The following AFG3L2 variants were observed in gnomAD, a reference collection of about 807,000 sequenced individuals.
AFG3L2 encodes AFG3 like matrix AAA peptidase subunit 2.
A neutral mutation model predicts 94.5 loss-of-function variants in AFG3L2; 54 were observed. The observed-to-expected ratio is 0.57, with a 90% CI of 0.46 to 0.72. AFG3L2 has a LOEUF of 0.72. Ranked by LOEUF, AFG3L2 falls within the 30% of genes least tolerant of loss-of-function variation. The pLI is 0.00. For synonymous variants in AFG3L2, 377 were observed against 365.5 expected (o/e 1.03, Z -0.36); for missense variants, 754 against 994.9 (o/e 0.76, Z 3.26).
intron 16 of AFG3L2, among the ~76,000 whole-genome samples, chr18:12,331,808 A>AATATAT (rs35558132): frequency 1.3e-4 from 19 of 146,398 alleles, no homozygotes; most frequent in African/African-American, 4.5e-4. Context: ...TAAATAAATA[A>AATATAT]ATATATATAT....
intron 16 of AFG3L2, among the ~76,000 whole-genome samples, chr18:12,336,260 A>ACT (rs1458475896): frequency 1.3e-5 from 2 of 152,056 alleles, no homozygotes; most frequent in Non-Finnish European, 2.9e-5. Context: ...TTCCCCAATT[A>ACT]CTCCTACAGA....
In AFG3L2 at chr18:12,370,926, C is replaced by T; in HGVS notation, c.215G>A (p.Gly72Glu). 6.5e-7 allele frequency: 1 copy of T among 1,531,176 alleles called. No individual in the cohort carries two copies. Among genetic ancestry groups the T allele is most frequent in the Non-Finnish European group, 9.0e-7 (1 of 1,113,816 alleles). The allele number at this position is 1,531,176 out of a possible 1,614,324, so 94.8% of individuals were successfully genotyped here. ...YQRFCSRPPK[G>E]FEKYFPNGKN... Reference sequence around the variant, plus strand: ...TCCATTAGGAAAGTATTTTTCAAATCCTGTTAGAAAAAGAAAAAAAATACT... The same window carrying T: ...TCCATTAGGAAAGTATTTTTCAAATTCTGTTAGAAAAAGAAAAAAAATACT... The change falls in exon 3 of 17, where the codon GGA (glycine) becomes GAA (glutamate). Residue 72 changes from glycine to glutamate, a missense_variant and splice_region_variant. Transcript: ENST00000269143.
chr18:12,332,412 G>C (rs1907562712), intron 16 of AFG3L2, among the ~76,000 whole-genome samples: 1 of 152,052 alleles, frequency 6.6e-6, no homozygotes, highest in African/African-American at 2.4e-5. Flanking sequence ...CTTATTTCTT[G>C]AGATAACTCC....
chr18:12,360,245 T>C (rs1908618843), intron 6 of AFG3L2, 194 bp from the exon 7 acceptor site: 2 of 584,570 alleles, frequency 3.4e-6, no homozygotes, highest in Non-Finnish European at 5.9e-6. Context: ...TGGCAATTCT[T>C]GGCAAATAAG....
At chr18:12,351,985 A>G (rs2143167897) in intron 10 of AFG3L2, among the ~76,000 whole-genome samples, 1 of 152,364 alleles carries the variant, frequency 6.6e-6, no homozygotes, top group Non-Finnish European at 1.5e-5. Flanking sequence ...AAATTTAACT[A>G]GAAATTTAAC....
intron 16 of AFG3L2, among the ~76,000 whole-genome samples, chr18:12,335,185 A>ATCTCACCTTACATT (rs1907701444): frequency 6.6e-6 from 1 of 152,168 alleles, no homozygotes; most frequent in Admixed American, 6.5e-5. Flanking sequence ...TGACAATGTA[A>ATCTCACCTTACATT]GTTAACAGCT....
chr18:12,354,551 C>A (rs1190841881), intron 9 of AFG3L2, among the ~76,000 whole-genome samples: 4 of 152,220 alleles, frequency 2.6e-5, no homozygotes, highest in South Asian at 4.1e-4. Flanking sequence ...TGATTTCCAT[C>A]CATGTGGCTC....
At chr18:12,346,549 G>T (rs1320852718) in intron 13 of AFG3L2, among the ~76,000 whole-genome samples, 1 of 152,072 alleles carries the variant, frequency 6.6e-6, no homozygotes, top group African/African-American at 2.4e-5. Flanking sequence ...TGACTGCAAG[G>T]TTCTCTGCCT....
intron 16 of AFG3L2, among the ~76,000 whole-genome samples, chr18:12,333,005 A>T (rs1462906306): frequency 2.4e-4 from 17 of 69,548 alleles, no homozygotes; most frequent in South Asian, 4.5e-4. Context: ...AATTATATAT[A>T]ATATAAAATA....
In AFG3L2 at chr18:12,340,454, A is replaced by G. The variant is rs1387439533; in HGVS notation, c.1780-53T>C. ...TCCTACTACAGATGAAGACTTGATC[A>G]AAACATCTGTGTATAAACAGATAAA... On this transcript the variant is annotated intron_variant, in intron 14 of 16. Coordinates refer to ENST00000269143, the MANE Select transcript of AFG3L2 (RefSeq NM_006796.3). 3 of 1,367,934 alleles carry G rather than the reference A, an allele frequency of 2.2e-6. No homozygotes were observed. The African/African-American group carries it at 4.3e-5, about 20-fold the overall frequency. The allele number at this position is 1,367,934 out of a possible 1,614,324, so 84.7% of individuals were successfully genotyped here.
At chr18:12,361,923 C>T (rs956340392) in intron 6 of AFG3L2, among the ~76,000 whole-genome samples, 1 of 152,248 alleles carries the variant, frequency 6.6e-6, no homozygotes, top group African/African-American at 2.4e-5. Flanking sequence ...TCAGCCCCTG[C>T]TATCAACTGG....
Position 12,363,394 on chromosome 18 carries a change from C to T in AFG3L2, c.627+388G>A, listed in dbSNP as rs1301197562. ...AAATGGTTGGGAGATGGTGGGGATG[C>T]TTTTAAACTAATTTGATAAAAGCTG... On this transcript the variant is annotated intron_variant, in intron 6 of 16. Transcript: ENST00000269143. Among the ~76,000 whole-genome samples the T allele has an allele frequency of 2.6e-5, 4 of 152,214 alleles. No homozygotes were observed. The East Asian group carries it at 7.7e-4, about 29-fold the overall frequency.
At chr18:12,368,076 A>G (rs145961027) in intron 3 of AFG3L2, among the ~76,000 whole-genome samples, 3,331 of 152,278 alleles carry the variant, frequency 0.022, 68 homozygotes, top group African/African-American at 0.06. Flanking sequence ...CTGAGGCAGG[A>G]GAATCGCTTC....
intron 6 of AFG3L2, 126 bp from the exon 7 acceptor site, chr18:12,360,177 A>C (rs1908616438): frequency 1.1e-6 from 1 of 904,398 alleles, no homozygotes; most frequent in Admixed American, 2.5e-5. Context: ...AGAATAAACA[A>C]TAATAAAAGA....
intron 12 of AFG3L2, among the ~76,000 whole-genome samples, chr18:12,349,279 G>A (rs941303962): frequency 6.6e-6 from 1 of 152,174 alleles, no homozygotes; most frequent in African/African-American, 2.4e-5. Flanking sequence ...TGGCAAGGAT[G>A]TGGAGAAACT....
chr18:12,377,067 A>C lies in AFG3L2; in HGVS notation c.16T>G (p.Leu6Val). MAHRCLRLWGRGGCWP... is the reference protein window; with the variant it reads MAHRCVRLWGRGGCWP... ...CAGCCGCCCCGGCCCCACAGCCGCA[A>C]ACAGCGGTGCGCCATGGCCGCCGCC... is the stretch of plus-strand genomic sequence containing the variant. The change falls in exon 1 of 17, where the codon TTG (leucine) becomes GTG (valine). Residue 6 changes from leucine to valine, a missense_variant. Coordinates refer to ENST00000269143, the MANE Select transcript of AFG3L2 (RefSeq NM_006796.3). 1 of 1,432,248 alleles carries C rather than the reference A, an allele frequency of 7.0e-7. No homozygotes were observed. Among genetic ancestry groups the C allele is most frequent in the Non-Finnish European group, 9.1e-7 (1 of 1,093,806 alleles). 88.7% of individuals were successfully genotyped at this position (1,432,248 alleles called of 1,614,324 possible).
intron 16 of AFG3L2, among the ~76,000 whole-genome samples, chr18:12,333,338 TATATA>T (rs1402091544): frequency 2.3e-5 from 3 of 131,910 alleles, no homozygotes; most frequent in African/African-American, 8.5e-5. Context: ...TAAAATTATA[TATATA>T]ATATATAATT....
chr18:12,353,594 A>C (rs543488637), intron 9 of AFG3L2, among the ~76,000 whole-genome samples: 1 of 151,962 alleles, frequency 6.6e-6, no homozygotes, highest in East Asian at 1.9e-4. Flanking sequence ...TGTGATACAC[A>C]CTGTAAGGTA....
At chr18:12,332,982 A>AAC (rs1907600060) in intron 16 of AFG3L2, among the ~76,000 whole-genome samples, 1 of 100,886 alleles carries the variant, frequency 9.9e-6, no homozygotes, top group Admixed American at 1.4e-4. Flanking sequence ...ATATTATATA[A>AAC]ATATATTATA....
Sources: gnomAD v4.1 joint callset for allele counts (sites outside exome capture counted in the v4.1 genomes callset) on GRCh38, gnomAD v4.1.1 for gene constraint, MANE v1.5 for transcripts, NCBI Gene and HGNC (gene_info 2026-07-23, HGNC 2026-07-21) for gene names.